Variants in CELF4 observed in about 807,000 individuals in gnomAD.
CELF4 encodes the protein CUG-BP- and ETR-3-like factor 4.
In CELF4, 18 loss-of-function variants were observed where a neutral mutation model predicts 59.9. The ratio of observed to expected loss-of-function variants is 0.30; its 90% CI spans 0.21 to 0.45. The LOEUF is 0.45. Ranked by LOEUF, CELF4 falls within the 20% of genes least tolerant of loss-of-function variation. CELF4 has a pLI of 1.00. For missense variants in CELF4, 456 were observed against 689.0 expected (o/e 0.66, Z 3.79); for synonymous variants, 261 against 267.1 (o/e 0.98, Z 0.22).
At chr18:37,321,956 A>G in intron 2 of CELF4, 75 bp from the exon 3 acceptor site, 1 of 1,222,408 alleles carries the variant, frequency 8.2e-7, no homozygotes. Context: ...ACTCAGGTGC[A>G]CAGGTGAATG....
intron 10 of CELF4, among the ~76,000 whole-genome samples, chr18:37,263,112 C>A (rs2075724702): frequency 6.6e-6 from 1 of 152,114 alleles, no homozygotes; most frequent in Non-Finnish European, 1.5e-5. Context: ...GCAGACTCAG[C>A]CGGCTTGGTC....
intron 2 of CELF4, among the ~76,000 whole-genome samples, chr18:37,477,944 G>A (rs1360464408): frequency 1.3e-5 from 2 of 152,176 alleles, no homozygotes; most frequent in African/African-American, 4.8e-5. Flanking sequence ...CCTGAGCAGA[G>A]GGCAGGGGTG....
intron 2 of CELF4, 33 bp from the exon 3 acceptor site, chr18:37,321,914 C>A: frequency 6.3e-7 from 1 of 1,583,294 alleles, no homozygotes; most frequent in Non-Finnish European, 8.6e-7. Flanking sequence ...AGCATTATAG[C>A]AGGCCTGCGG....
intron 8 of CELF4, among the ~76,000 whole-genome samples, chr18:37,267,993 T>C (rs1408591794): frequency 1.3e-5 from 2 of 152,068 alleles, no homozygotes; most frequent in Admixed American, 6.6e-5. Flanking sequence ...ACTGAGATCA[T>C]GCCATTGCAC....
At chr18:37,440,585 C>A (rs1404232715) in intron 2 of CELF4, among the ~76,000 whole-genome samples, 1 of 152,174 alleles carries the variant, frequency 6.6e-6, no homozygotes, top group African/African-American at 2.4e-5. Context: ...GTGTCTCCTT[C>A]CTTGGAGGAG....
intron 1 of CELF4, among the ~76,000 whole-genome samples, chr18:37,564,275 C>T (rs948496189): frequency 3.3e-5 from 5 of 152,168 alleles, no homozygotes; most frequent in Non-Finnish European, 5.9e-5. Context: ...GCTGCACATC[C>T]TATATATTAC....
intron 2 of CELF4, among the ~76,000 whole-genome samples, chr18:37,342,233 GCA>G (rs56845978): frequency 0.39 from 57,242 of 145,870 alleles, 10,917 homozygotes; most frequent in East Asian, 0.59. Context: ...AACAGCACAT[GCA>G]CACACACACA....
At chr18:37,351,095 A>C (rs2098429914) in intron 2 of CELF4, among the ~76,000 whole-genome samples, 1 of 152,062 alleles carries the variant, frequency 6.6e-6, no homozygotes, top group African/African-American at 2.4e-5. Context: ...ACATTTAAAA[A>C]CGCAAAGGTG....
At chr18:37,472,558 T>C (rs773529835) in intron 2 of CELF4, among the ~76,000 whole-genome samples, 2 of 152,270 alleles carry the variant, frequency 1.3e-5, no homozygotes, top group Non-Finnish European at 1.5e-5. Context: ...GCATGCTTCA[T>C]GCTATCCATA....
chr18:37,393,488 A>G (rs1398891881), intron 2 of CELF4, among the ~76,000 whole-genome samples: 1 of 152,128 alleles, frequency 6.6e-6, no homozygotes, highest in African/African-American at 2.4e-5. Context: ...ACTTGGGCCC[A>G]GGTCTGGGTG....
At chr18:37,306,900 G>A (rs2096438236) in intron 3 of CELF4, among the ~76,000 whole-genome samples, 1 of 152,214 alleles carries the variant, frequency 6.6e-6, no homozygotes, top group Non-Finnish European at 1.5e-5. Context: ...GATTGCCGAA[G>A]CAAATTCTGC....
intron 2 of CELF4, among the ~76,000 whole-genome samples, chr18:37,347,355 A>T (rs2098297575): frequency 6.6e-6 from 1 of 152,048 alleles, no homozygotes; most frequent in Admixed American, 6.5e-5. Context: ...GCTGACATGA[A>T]GCCGTGTCCC....
chr18:37,246,542 A>T lies in CELF4; in HGVS notation c.*45-1345T>A, dbSNP rs2154249881. Among the ~76,000 whole-genome samples, 1 of 151,814 alleles carries T rather than the reference A, an allele frequency of 6.6e-6. No homozygotes were observed. Among genetic ancestry groups the T allele is most frequent in the East Asian group, 1.9e-4 (1 of 5,164 alleles). ...TTGTACTCTAGTTTTTTGGTTTAGA[A>T]TTTTTTTATCATTCTGTTACTGTAG... On this transcript the variant is annotated intron_variant, in intron 12 of 12. Coordinates refer to ENST00000420428, the MANE Select transcript of CELF4 (RefSeq NM_020180.4). The surrounding 1 kb of genome is among the most constrained non-coding windows in gnomAD (Gnocchi z 5.3).
intron 3 of CELF4, among the ~76,000 whole-genome samples, chr18:37,318,221 C>G (rs927286938): frequency 1.3e-5 from 2 of 151,974 alleles, no homozygotes; most frequent in African/African-American, 2.4e-5. Context: ...GGCTTCTGCT[C>G]CCCTCGCACC....
intron 6 of CELF4, chr18:37,273,947 G>C: frequency 4.5e-6 from 5 of 1,104,722 alleles, no homozygotes; most frequent in Non-Finnish European, 5.5e-6. Flanking sequence ...CATGGAGTAG[G>C]GGTGGTTTGC....
intron 2 of CELF4, among the ~76,000 whole-genome samples, chr18:37,390,277 C>T (rs1414477671): frequency 2.0e-5 from 3 of 152,284 alleles, no homozygotes; most frequent in African/African-American, 4.8e-5. Flanking sequence ...CCTCTCGGTT[C>T]CAGGACGCCC....
chr18:37,465,843 G>A (rs1265626589), intron 2 of CELF4, among the ~76,000 whole-genome samples: 1 of 152,122 alleles, frequency 6.6e-6, no homozygotes, highest in Non-Finnish European at 1.5e-5. Context: ...TTGGGGCAGG[G>A]GATGCATTCA....
intron 2 of CELF4, among the ~76,000 whole-genome samples, chr18:37,436,592 C>T (rs1433952509): frequency 6.6e-6 from 1 of 152,214 alleles, no homozygotes; most frequent in Non-Finnish European, 1.5e-5. Context: ...CAGGTGGCCC[C>T]AGCACTTCCC....
chr18:37,308,646 CT>C (rs1405758580), intron 3 of CELF4, among the ~76,000 whole-genome samples: 2 of 152,306 alleles, frequency 1.3e-5, no homozygotes, highest in East Asian at 3.9e-4. Flanking sequence ...AGGACTGTCC[CT>C]CGAAGTTTAA....
Sources: allele counts gnomAD v4.1 joint callset (sites outside exome capture counted in the v4.1 genomes callset), GRCh38; gene constraint gnomAD v4.1.1; non-coding constraint Gnocchi (gnomAD v3.1); transcripts MANE v1.5; gene names NCBI Gene and HGNC (gene_info 2026-07-23, HGNC 2026-07-21).